C18orf63: variants seen among roughly 807,000 people sequenced by gnomAD.
C18orf63 encodes the protein uncharacterized protein C18orf63.
In C18orf63, 50 loss-of-function variants were observed where a neutral mutation model predicts 75.3. The observed-to-expected ratio is 0.66, with a 90% CI of 0.53 to 0.84. The LOEUF (loss-of-function observed/expected upper bound fraction) is 0.84, where lower values mean the gene tolerates loss of function less well. Among genes scored for constraint, C18orf63 ranks in the 40% least tolerant of loss-of-function variants. The probability of loss-of-function intolerance (pLI) is 0.00; values close to 1 mark genes in which losing one functional copy is unlikely to be tolerated. For synonymous variants in C18orf63, 232 were observed against 267.6 expected (o/e 0.87, Z 1.30); for missense variants, 732 against 800.2 (o/e 0.91, Z 1.03).
Position 74,343,553 on chromosome 18 carries a change from C to A in C18orf63, c.829C>A (p.Gln277Lys), listed in dbSNP as rs1315572192. ...CAGTTGCATCAGAAGTCAGCCCATG[C>A]AGTTCTTTCCAAGGGTAGATTCGGA... ...PLSCIRSQPM[Q>K]FFPRVDSEVV... Residue 277 changes from glutamine to lysine, a missense_variant, in exon 11 of 14, where the codon CAG becomes AAG. Physicochemically the swap from Gln to Lys is moderately conservative, Grantham distance 53. Transcript: ENST00000579455. The A allele has an allele frequency of 3.9e-6, 6 of 1,533,602 alleles. No homozygotes were observed. The East Asian group carries it at 1.5e-4, about 38-fold the overall frequency. The allele number at this position is 1,533,602 out of a possible 1,614,324, so 95.0% of individuals were successfully genotyped here.
At chr18:74,322,816 CT>C in intron 4 of C18orf63, 62 bp downstream of exon 4, 1 of 552,236 alleles carries the variant, frequency 1.8e-6, no homozygotes. Context: ...CGTTCCACTC[CT>C]TTTGTCAACA....
At chr18:74,322,155 T>G (rs1467978557) in intron 3 of C18orf63, among the ~76,000 whole-genome samples, 1 of 152,234 alleles carries the variant, frequency 6.6e-6, no homozygotes, top group Non-Finnish European at 1.5e-5. Flanking sequence ...ATAATATAGA[T>G]ACTGCTAAAT....
chr18:74,327,852 GGT>G lies in C18orf63; in HGVS notation c.271-93_271-92del. Reference sequence around the variant, plus strand: ...TTACCTAGAACACCCGAGTTTGTTGGGTGGTGATCTAAATGGGCAGTCATTTC... The same window carrying G: ...TTACCTAGAACACCCGAGTTTGTTGGGGTGATCTAAATGGGCAGTCATTTC... On this transcript the variant is annotated intron_variant, in intron 4 of 13. Transcript: ENST00000579455. 3 of 714,066 alleles carry G rather than the reference GGT, an allele frequency of 4.2e-6. No homozygotes were observed. In the South Asian group the frequency reaches 5.2e-5, roughly 12 times the overall value. 44.2% of individuals were successfully genotyped at this position (714,066 alleles called of 1,614,324 possible).
chr18:74,335,039 T>A (rs1357173007), intron 7 of C18orf63, among the ~76,000 whole-genome samples: 1 of 152,128 alleles, frequency 6.6e-6, no homozygotes, highest in African/African-American at 2.4e-5. Context: ...AAGTCTCATC[T>A]CTCTTGGTGC....
chr18:74,348,077 C>G (rs1949944705), intron 11 of C18orf63, among the ~76,000 whole-genome samples: 1 of 152,052 alleles, frequency 6.6e-6, no homozygotes, highest in Admixed American at 6.6e-5. Context: ...CTGAAGTTCC[C>G]CATTTATCTC....
intron 7 of C18orf63, among the ~76,000 whole-genome samples, chr18:74,331,309 C>T (rs1984302372): frequency 1.3e-5 from 2 of 152,306 alleles, no homozygotes; most frequent in Admixed American, 1.3e-4. Context: ...AATATTAATT[C>T]CCCTGCCCTT....
chr18:74,326,846 A>T (rs1568235565), intron 4 of C18orf63, among the ~76,000 whole-genome samples: 2 of 152,210 alleles, frequency 1.3e-5, no homozygotes, highest in African/African-American at 2.4e-5. Flanking sequence ...TTTAAAATTA[A>T]TTTTGTATTA....
intron 8 of C18orf63, among the ~76,000 whole-genome samples, chr18:74,340,775 C>T (rs942911787): frequency 7.9e-5 from 12 of 151,892 alleles, no homozygotes; most frequent in South Asian, 6.2e-4. Flanking sequence ...ACCTTATGAC[C>T]TCACTTCCTT....
At chr18:74,331,342 G>T (rs571743774) in intron 7 of C18orf63, among the ~76,000 whole-genome samples, 3 of 152,062 alleles carry the variant, frequency 2.0e-5, no homozygotes, top group Admixed American at 2.0e-4. Flanking sequence ...GCATTTTTTT[G>T]CATCTATTTT....
intron 3 of C18orf63, among the ~76,000 whole-genome samples, chr18:74,320,926 T>A (rs1406875142): frequency 6.6e-6 from 1 of 152,144 alleles, no homozygotes; most frequent in Non-Finnish European, 1.5e-5. Context: ...AAGGAAAAAA[T>A]TTCTCATTTC....
chr18:74,320,480 C>T, intron 2 of C18orf63, 33 bp from the exon 3 acceptor site: 1 of 1,424,886 alleles, frequency 7.0e-7, no homozygotes, highest in Admixed American at 2.0e-5. Flanking sequence ...CAAACCATAC[C>T]AGTCCACTTT....
intron 4 of C18orf63, 99 bp from the exon 5 acceptor site, chr18:74,327,848 G>A (rs1599002223): frequency 2.8e-6 from 2 of 702,224 alleles, no homozygotes; most frequent in East Asian, 5.4e-5. Flanking sequence ...ACCCGAGTTT[G>A]TTGGGTGGTG....
At chr18:74,349,420 C>CTA (rs1984628950) in intron 11 of C18orf63, among the ~76,000 whole-genome samples, 1 of 152,114 alleles carries the variant, frequency 6.6e-6, no homozygotes. Flanking sequence ...TCCCCAACCC[C>CTA]CCAGGTCATG....
chr18:74,338,777 C>T lies in C18orf63; in HGVS notation c.564C>T (p.Val188=). ...IKDFHANKHA[V]IERHSILSNW... is the part of the protein sequence containing the mutation. ...ATTTTCATGCTAACAAGCATGCTGT[C>T]ATTGAGAGACATTCCATTTTAAGCA... Residue 188 remains valine, a synonymous_variant, in exon 8 of 14, where the codon GTC becomes GTT. Coordinates refer to ENST00000579455, the MANE Select transcript of C18orf63 (RefSeq NM_001174123.2). 1 of 1,418,846 alleles carries T rather than the reference C, an allele frequency of 7.0e-7. No homozygotes were observed. Among genetic ancestry groups the T allele is most frequent in the Non-Finnish European group, 9.3e-7 (1 of 1,075,168 alleles). The allele number at this position is 1,418,846 out of a possible 1,614,324, so 87.9% of individuals were successfully genotyped here. A position where few individuals can be genotyped will look rare whatever the true frequency, so the allele number is the denominator to read the frequency against.
chr18:74,333,590 C>T (rs1005765181), intron 7 of C18orf63, among the ~76,000 whole-genome samples: 9 of 152,134 alleles, frequency 5.9e-5, no homozygotes, highest in African/African-American at 1.9e-4. Flanking sequence ...CATCAGATCT[C>T]GTGAGAACAC....
chr18:74,353,204 T>C (rs1984697336), intron 11 of C18orf63, 42 bp from the exon 12 acceptor site: 1 of 1,247,034 alleles, frequency 8.0e-7, no homozygotes. Context: ...TTAAGGACAT[T>C]ATTAACATTT....
chr18:74,324,776 A>G (rs971196717), intron 4 of C18orf63, among the ~76,000 whole-genome samples: 6 of 152,142 alleles, frequency 3.9e-5, no homozygotes, highest in African/African-American at 1.4e-4. Flanking sequence ...CATATTTCCA[A>G]AATGTTTAAG....
At position 74,353,269 on chromosome 18, in the gene C18orf63, T is replaced by A. The variant is rs1984699437; in HGVS notation, c.1002T>A (p.Asn334Lys). ...AGGAACACAAAGTCAAGCCACCCAATTTGACCACTAAAAAAATGCTTAGGG... is the reference window on the plus strand; with the variant it reads ...AGGAACACAAAGTCAAGCCACCCAAATTGACCACTAAAAAAATGCTTAGGG... ...NIQEHKVKPP[N>K]LTTKKMLRAS... is the part of the protein sequence containing the mutation. Residue 334 changes from asparagine to lysine, a missense_variant, in exon 12 of 14, where the codon AAT (asparagine) becomes AAA (lysine). This residue lies in a region of C18orf63 where 495 missense variants were observed against 508.7 expected (regional missense o/e 0.97). Coordinates refer to ENST00000579455, the MANE Select transcript of C18orf63 (RefSeq NM_001174123.2). The A allele has an allele frequency of 6.5e-7, 1 of 1,535,840 alleles. No homozygotes were observed. The highest frequency in any genetic ancestry group is 2.0e-5 in the Admixed American group (1 of 50,966).
chr18:74,328,892 ATTTTC>A, intron 5 of C18orf63, 98 bp from the exon 6 acceptor site: 1 of 645,458 alleles, frequency 1.5e-6, no homozygotes, highest in Non-Finnish European at 2.7e-6. Flanking sequence ...ATTTTAAAGT[ATTTTC>A]TTTAGCTTTG....
Sources: allele counts gnomAD v4.1 joint callset (sites outside exome capture counted in the v4.1 genomes callset), GRCh38; gene constraint gnomAD v4.1.1; regional missense constraint gnomAD v4.1.1; transcripts MANE v1.5; gene names NCBI Gene and HGNC (gene_info 2026-07-23, HGNC 2026-07-21).